The following TEC variants were observed in gnomAD, a reference collection of about 807,000 sequenced individuals.
TEC encodes tyrosine-protein kinase Tec.
Under a neutral mutation model 93.0 loss-of-function variants are expected in TEC, and 72 were observed. That is an observed-to-expected ratio of 0.77 (90% CI 0.64 to 0.94). The LOEUF is 0.94. TEC is among the 40% of genes least tolerant of loss of function. The pLI, the probability that TEC is intolerant of heterozygous loss-of-function variation, is 0.00. For missense variants in TEC, 630 were observed against 757.9 expected (o/e 0.83, Z 1.98); for synonymous variants, 249 against 247.7 (o/e 1.01, Z -0.05).
chr4:48,216,367 A>G (rs1400504117), intron 2 of TEC, among the ~76,000 whole-genome samples: 1 of 152,236 alleles, frequency 6.6e-6, no homozygotes, highest in Non-Finnish European at 1.5e-5. Context: ...CCTATCTTCA[A>G]AATAAACACT....
At chr4:48,175,247 A>G (rs575746408) in intron 3 of TEC, among the ~76,000 whole-genome samples, 27 of 152,366 alleles carry the variant, frequency 1.8e-4, no homozygotes, top group South Asian at 4.1e-4. Context: ...TGGTAAATGT[A>G]TAATTCCAAC....
intron 2 of TEC, among the ~76,000 whole-genome samples, chr4:48,195,934 G>T (rs1722286114): frequency 6.6e-6 from 1 of 152,170 alleles, no homozygotes; most frequent in Non-Finnish European, 1.5e-5. Context: ...CACTCACTGA[G>T]TGCCCACCAG....
At chr4:48,230,469 A>T (rs192185088) in intron 1 of TEC, among the ~76,000 whole-genome samples, 14 of 152,278 alleles carry the variant, frequency 9.2e-5, no homozygotes, top group Non-Finnish European at 1.9e-4. Flanking sequence ...TTCCACGGCT[A>T]TTTGCCTCGC....
intron 1 of TEC, among the ~76,000 whole-genome samples, chr4:48,229,405 A>C (rs1723582188): frequency 6.6e-6 from 1 of 152,236 alleles, no homozygotes; most frequent in Admixed American, 6.5e-5. Flanking sequence ...TGAAAACCCA[A>C]AGACATTCAA....
intron 1 of TEC, among the ~76,000 whole-genome samples, chr4:48,253,577 T>C (rs1335444596): frequency 2.7e-5 from 4 of 150,582 alleles, no homozygotes; most frequent in African/African-American, 9.8e-5. Flanking sequence ...CAATTCTTTT[T>C]TTTTTTTTTT....
At chr4:48,265,444 C>CGT (rs1724610037) in intron 1 of TEC, among the ~76,000 whole-genome samples, 2 of 27,712 alleles carry the variant, frequency 7.2e-5, no homozygotes, top group Non-Finnish European at 2.3e-4. Context: ...CACATATATA[C>CGT]GTATATATAT....
intron 2 of TEC, among the ~76,000 whole-genome samples, chr4:48,179,181 G>A (rs1386845143): frequency 1.3e-5 from 2 of 151,528 alleles, no homozygotes; most frequent in Non-Finnish European, 2.9e-5. Context: ...GCTTGTAGCC[G>A]CAGAATTGGG....
chr4:48,172,190 ATAT>A (rs1307303696), intron 3 of TEC, among the ~76,000 whole-genome samples: 2 of 152,192 alleles, frequency 1.3e-5, no homozygotes, highest in African/African-American at 2.4e-5. Flanking sequence ...AACATTTCTA[ATAT>A]TATTAATAAG....
intron 2 of TEC, among the ~76,000 whole-genome samples, chr4:48,205,145 G>A (rs1428758480): frequency 6.6e-5 from 10 of 152,224 alleles, no homozygotes; most frequent in Admixed American, 6.5e-4. Context: ...CTGTGGTCAA[G>A]ATTAAATAAG....
chr4:48,179,360 ATATATATATATATATATTTT>A (rs1721476803), intron 2 of TEC, among the ~76,000 whole-genome samples: 3 of 40,470 alleles, frequency 7.4e-5, no homozygotes, highest in African/African-American at 2.8e-4. Flanking sequence ...ATATATATAT[ATATATATATATATATATTTT>A]TTTTTTTTTT....
At chr4:48,240,356 A>G (rs1442381063) in intron 1 of TEC, among the ~76,000 whole-genome samples, 2 of 152,096 alleles carry the variant, frequency 1.3e-5, no homozygotes, top group Non-Finnish European at 2.9e-5. Flanking sequence ...AGGGAGGGGG[A>G]AAAAAGCACC....
chr4:48,207,814 T>G (rs2109606148), intron 2 of TEC, among the ~76,000 whole-genome samples: 1 of 151,998 alleles, frequency 6.6e-6, no homozygotes, highest in Non-Finnish European at 1.5e-5. Flanking sequence ...AATCCAGAAT[T>G]TAAGCATAAT....
At chr4:48,205,785 T>A (rs73244502) in intron 2 of TEC, among the ~76,000 whole-genome samples, 15,215 of 152,222 alleles carry the variant, frequency 0.1, 822 homozygotes, top group South Asian at 0.18. Context: ...GGAAACAGTC[T>A]AACAGTTCCT....
At position 48,253,011 on chromosome 4, in the gene TEC, A is replaced by G. The variant is rs555357079; in HGVS notation, c.-46+16741T>C. ...CATTTCTCAGGGGCTTTAATAGGTG[A>G]ATCATATAGAATGCAGCGCTTCCCA... On this transcript the variant is annotated intron_variant, in intron 1 of 17. Transcript: ENST00000381501. 2.0e-5 allele frequency among the ~76,000 whole-genome samples: 3 copies of G among 152,322 alleles called. No homozygotes were observed. In the East Asian group the frequency reaches 5.8e-4, roughly 29 times the overall value.
At chr4:48,204,984 T>C (rs1051451377) in intron 2 of TEC, among the ~76,000 whole-genome samples, 3 of 152,168 alleles carry the variant, frequency 2.0e-5, no homozygotes, top group African/African-American at 7.2e-5. Flanking sequence ...CTGACACAGT[T>C]GGTGAACTAG....
chr4:48,225,800 G>A (rs972832839), intron 2 of TEC, among the ~76,000 whole-genome samples: 3 of 151,606 alleles, frequency 2.0e-5, no homozygotes, highest in Admixed American at 6.6e-5. Flanking sequence ...TAGGTCACAA[G>A]TATGCCAGTG....
intron 1 of TEC, among the ~76,000 whole-genome samples, chr4:48,245,098 T>C (rs528878044): frequency 7.2e-4 from 109 of 152,040 alleles, no homozygotes; most frequent in Non-Finnish European, 1.2e-3. Context: ...ATTCAGACCA[T>C]CCTGGCCAAC....
At chr4:48,200,166 G>A (rs145994012) in intron 2 of TEC, among the ~76,000 whole-genome samples, 1 of 152,116 alleles carries the variant, frequency 6.6e-6, no homozygotes, top group East Asian at 1.9e-4. Context: ...GGAGAAGTTA[G>A]CCATTCAAGG....
intron 1 of TEC, among the ~76,000 whole-genome samples, chr4:48,230,102 T>TAATAATAATAATAATAATAAA (rs1553894220): frequency 5.2e-5 from 6 of 115,824 alleles, no homozygotes; most frequent in African/African-American, 1.9e-4. Context: ...ATAATAATAA[T>TAATAATAATAATAATAATAAA]AAATAAATAA....
Sources: gnomAD v4.1 joint callset for allele counts (sites outside exome capture counted in the v4.1 genomes callset) on GRCh38, gnomAD v4.1.1 for gene constraint, MANE v1.5 for transcripts, NCBI Gene and HGNC (gene_info 2026-07-23, HGNC 2026-07-21) for gene names.